RBMS3: variants seen among roughly 807,000 people sequenced by gnomAD.
The protein encoded by RBMS3 is RNA-binding motif, single-stranded-interacting protein 3.
In RBMS3, 27 loss-of-function variants were observed where a neutral mutation model predicts 66.8. The observed-to-expected ratio is 0.40, with a 90% confidence interval of 0.30 to 0.56. The LOEUF is 0.56. Ranked by LOEUF, RBMS3 falls within the 20% of genes least tolerant of loss-of-function variation. The pLI is 0.40. For missense variants in RBMS3, 513 were observed against 549.5 expected, an observed-to-expected ratio of 0.93 and a Z score of 0.66; for synonymous variants, 188 against 183.0, an observed-to-expected ratio of 1.03 and a Z score of -0.22.
chr3:29,808,140 CA>C (rs1329315454), intron 6 of RBMS3, among the ~76,000 whole-genome samples: 2 of 151,886 alleles, frequency 1.3e-5, no homozygotes, highest in African/African-American at 4.8e-5. Context: ...CACCATGCTT[CA>C]GGATCACACG....
intron 3 of RBMS3, among the ~76,000 whole-genome samples, chr3:29,501,183 T>C (rs916516657): frequency 2.6e-5 from 4 of 152,158 alleles, no homozygotes; most frequent in African/African-American, 9.7e-5. Flanking sequence ...AGCATTGATA[T>C]CATGTGTATA....
intron 3 of RBMS3, among the ~76,000 whole-genome samples, chr3:29,532,867 T>C (rs895244713): frequency 3.9e-5 from 6 of 152,016 alleles, no homozygotes; most frequent in African/African-American, 1.4e-4. Context: ...TTCTGTGAAG[T>C]GAAAAAAAAT....
intron 6 of RBMS3, among the ~76,000 whole-genome samples, chr3:29,825,759 T>G (rs184045993): frequency 1.4e-4 from 21 of 152,266 alleles, no homozygotes; most frequent in Admixed American, 1.0e-3. Flanking sequence ...GTTAAGAAAT[T>G]GCTTCCCCAA....
chr3:29,560,264 A>G (rs2046502146), intron 3 of RBMS3, among the ~76,000 whole-genome samples: 1 of 152,164 alleles, frequency 6.6e-6, no homozygotes, highest in African/African-American at 2.4e-5. Context: ...TTTATAATTA[A>G]TTATTTTCTC....
chr3:29,535,111 T>C (rs2045503988), intron 3 of RBMS3, among the ~76,000 whole-genome samples: 1 of 152,178 alleles, frequency 6.6e-6, no homozygotes, highest in African/African-American at 2.4e-5. Flanking sequence ...CTAAGGGTTC[T>C]TTATGATGGA....
chr3:29,850,736 G>A (rs967289927), intron 6 of RBMS3, among the ~76,000 whole-genome samples: 4 of 152,152 alleles, frequency 2.6e-5, no homozygotes, highest in African/African-American at 4.8e-5. Flanking sequence ...GGTAATGGAA[G>A]TACCTCTGTT....
At chr3:29,927,780 C>T (rs1345075501) in intron 10 of RBMS3, among the ~76,000 whole-genome samples, 2 of 152,008 alleles carry the variant, frequency 1.3e-5, no homozygotes, top group Admixed American at 6.6e-5. Flanking sequence ...GTGTGATCCT[C>T]GTAGATTATG....
At position 29,936,114 on chromosome 3, in the gene RBMS3, A is replaced by G. The variant is rs1243526695; in HGVS notation, c.968A>G (p.His323Arg). ...GCTGTGATTACACCAACCATGGACC[A>G]TCCCATGTCAATGCAGCCAGCCAAC... ...TGAVITPTMD[H>R]PMSMQPANMM... Residue 323 changes from histidine (H) to arginine (R), a missense_variant, in exon 11 of 15, where the codon CAT (histidine) becomes CGT (arginine). Transcript: ENST00000383767. 2.5e-6 allele frequency: 4 copies of G among 1,613,298 alleles called. No homozygotes were observed. Among genetic ancestry groups the G allele is most frequent in the East Asian group, 4.5e-5 (2 of 44,844 alleles).
chr3:29,945,076 TAAATA>T (rs1302134264), intron 12 of RBMS3, among the ~76,000 whole-genome samples: 1 of 151,760 alleles, frequency 6.6e-6, no homozygotes, highest in Non-Finnish European at 1.5e-5. Context: ...ATTTTTTAAT[TAAATA>T]AAATACTGGC....
intron 12 of RBMS3, among the ~76,000 whole-genome samples, chr3:29,959,595 G>A (rs1036082995): frequency 2.0e-5 from 3 of 152,094 alleles, no homozygotes; most frequent in African/African-American, 4.8e-5. Flanking sequence ...ACAGTGGGAG[G>A]TATATAAGTT....
chr3:29,724,740 T>C (rs966968877), intron 4 of RBMS3, among the ~76,000 whole-genome samples: 1 of 152,156 alleles, frequency 6.6e-6, no homozygotes, highest in South Asian at 2.1e-4. Flanking sequence ...ATAATTTAGA[T>C]TGTCAAATCA....
intron 6 of RBMS3, among the ~76,000 whole-genome samples, chr3:29,791,556 C>G (rs544775353): frequency 6.6e-6 from 1 of 151,966 alleles, no homozygotes; most frequent in Non-Finnish European, 1.5e-5. Context: ...GCTTTGAACT[C>G]GGACCAGTCT....
intron 4 of RBMS3, among the ~76,000 whole-genome samples, chr3:29,618,474 A>T (rs1419245555): frequency 6.6e-6 from 1 of 151,990 alleles, no homozygotes; most frequent in African/African-American, 2.4e-5. Flanking sequence ...CCATTGTACT[A>T]CAGCCTTGGC....
intron 2 of RBMS3, among the ~76,000 whole-genome samples, chr3:29,452,155 G>T (rs1197653734): frequency 1.3e-5 from 2 of 152,140 alleles, no homozygotes; most frequent in African/African-American, 4.8e-5. Context: ...GTAGTCTCTG[G>T]CTGTGATATG....
At chr3:29,372,106 T>G (rs910551445) in intron 1 of RBMS3, among the ~76,000 whole-genome samples, 2 of 152,006 alleles carry the variant, frequency 1.3e-5, no homozygotes, top group Non-Finnish European at 2.9e-5. Context: ...TTCCAATGAT[T>G]GCCGTTAGAA....
chr3:29,586,539 A>G (rs1437958893), intron 3 of RBMS3, among the ~76,000 whole-genome samples: 4 of 152,178 alleles, frequency 2.6e-5, no homozygotes, highest in African/African-American at 9.6e-5. Flanking sequence ...TGAGATAGAC[A>G]AGATAATGGA....
chr3:29,820,188 C>CAAAAAAAA lies in RBMS3; in HGVS notation c.638-48623_638-48616dup, dbSNP rs71091078. ...TGGGTAACAGAGTGAGACTTCTTCT[C>CAAAAAAAA]AAAAAAAAAAAAAAAAAAAAAAAAA... On this transcript the variant is annotated intron_variant, in intron 6 of 14. Transcript: ENST00000383767. Among the ~76,000 whole-genome samples the CAAAAAAAA allele has an allele frequency of 2.6e-4, 18 of 69,826 alleles. 1 individual carries two copies. Among genetic ancestry groups the CAAAAAAAA allele is most frequent in the Non-Finnish European group, 3.3e-4 (13 of 39,280 alleles). The allele number at this position is 69,826 out of a possible 152,430, so 45.8% of individuals were successfully genotyped here.
chr3:29,658,119 T>C (rs1432119001), intron 4 of RBMS3, among the ~76,000 whole-genome samples: 1 of 152,182 alleles, frequency 6.6e-6, no homozygotes, highest in Non-Finnish European at 1.5e-5. Flanking sequence ...TATTTTCCTG[T>C]TTTGTAAAGG....
chr3:29,627,376 G>A (rs1467968447), intron 4 of RBMS3, among the ~76,000 whole-genome samples: 4 of 151,854 alleles, frequency 2.6e-5, no homozygotes, highest in Non-Finnish European at 4.4e-5. Context: ...ATTTGAGGCT[G>A]GATAAAGCCT....
Sources: allele counts gnomAD v4.1 joint callset (sites outside exome capture counted in the v4.1 genomes callset), GRCh38; gene constraint gnomAD v4.1.1; transcripts MANE v1.5; gene names NCBI Gene and HGNC (gene_info 2026-07-23, HGNC 2026-07-21).